The following ATP8A2 variants were observed in gnomAD, a reference collection of about 807,000 sequenced individuals.
The protein encoded by ATP8A2 is ATPase phospholipid transporting 8A2, also known as phospholipid-transporting ATPase IB.
Under a neutral mutation model 165.6 loss-of-function variants are expected in ATP8A2, and 100 were observed. The observed-to-expected ratio is 0.60, with a 90% CI of 0.51 to 0.71. The LOEUF (loss-of-function observed/expected upper bound fraction) is 0.71. Among genes scored for constraint, ATP8A2 ranks in the 30% least tolerant of loss-of-function variants. ATP8A2 has a pLI of 0.00. For missense variants in ATP8A2, 1,227 were observed against 1,479.5 expected (o/e 0.83, Z 2.80); for synonymous variants, 543 against 548.8 (o/e 0.99, Z 0.15).
chr13:25,504,170 C>T (rs576551562), intron 2 of ATP8A2, among the ~76,000 whole-genome samples: 5 of 152,248 alleles, frequency 3.3e-5, no homozygotes, highest in Admixed American at 2.0e-4. Context: ...ACCCTGCTAC[C>T]TCAGTCCAGT....
chr13:25,740,455 G>A (rs1488825980), intron 25 of ATP8A2, among the ~76,000 whole-genome samples: 1 of 152,136 alleles, frequency 6.6e-6, no homozygotes, highest in East Asian at 1.9e-4. Context: ...CATAACAACA[G>A]GGAGTGTGGG....
At chr13:25,447,106 G>A (rs2035090301) in intron 1 of ATP8A2, among the ~76,000 whole-genome samples, 2 of 152,096 alleles carry the variant, frequency 1.3e-5, no homozygotes, top group Admixed American at 6.5e-5. Context: ...TTTAGACTAA[G>A]CAAACAAACT....
chr13:25,524,935 C>T (rs200136182), intron 2 of ATP8A2, among the ~76,000 whole-genome samples: 20 of 110,984 alleles, frequency 1.8e-4, no homozygotes, highest in African/African-American at 5.4e-4. Context: ...TCCTTCCTTC[C>T]TTCTTTCCTT....
rs938724603 is a variant in ATP8A2, at chr13:26,023,884, G to A, written c.*3899G>A. The stretch of plus-strand genomic sequence containing the variant: ...CATCTCCTGGGATCCATAAAAAAAT[G>A]TGAACAGGGAAATGGTGGCTAAGCA... On this transcript the variant is annotated 3_prime_UTR_variant, in exon 37 of 37. Transcript: ENST00000381655. The A allele has an allele frequency of 6.6e-6, 1 of 152,160 alleles. No individual in the cohort carries two copies. The highest frequency in any genetic ancestry group is 2.4e-5 in the African/African-American group (1 of 41,442). 9.4% of individuals were successfully genotyped at this position (152,160 alleles called of 1,614,324 possible).
chr13:25,551,366 C>A lies in ATP8A2; in HGVS notation c.920C>A (p.Ser307Ter). 1 of 1,614,030 alleles carries A rather than the reference C, an allele frequency of 6.2e-7. No individual in the cohort carries two copies. The highest frequency in any genetic ancestry group is 2.2e-5 in the East Asian group (1 of 44,878). The change falls in exon 11 of 37, where the codon TCA (serine) becomes TAA (stop). Residue 307 changes from serine to a stop codon, truncating the protein, a stop_gained. Coordinates refer to ENST00000381655, the MANE Select transcript of ATP8A2 (RefSeq NM_016529.6). LOFTEE classifies it high-confidence loss of function. ...TCAACCAAAGCGCCTCTCAAGAGAT[C>A]AAATGTTGAGAAGGTGACTAACGTG... ...QNSTKAPLKR[S>*]NVEKVTNVQI...
At chr13:25,664,608 C>T (rs1217393539) in intron 24 of ATP8A2, among the ~76,000 whole-genome samples, 1 of 152,164 alleles carries the variant, frequency 6.6e-6, no homozygotes, top group African/African-American at 2.4e-5. Flanking sequence ...GCTGGAATGC[C>T]AGATGAAGTC....
chr13:25,820,633 G>T (rs971422348), intron 27 of ATP8A2, among the ~76,000 whole-genome samples: 6 of 152,146 alleles, frequency 3.9e-5, no homozygotes, highest in African/African-American at 1.4e-4. Context: ...TTTATATTTA[G>T]GAATTGGGTG....
chr13:25,462,176 T>C (rs1208606811), intron 1 of ATP8A2, among the ~76,000 whole-genome samples: 3 of 152,236 alleles, frequency 2.0e-5, no homozygotes, highest in African/African-American at 7.2e-5. Context: ...GCTCTATCGT[T>C]CTAGAGTTCA....
chr13:25,941,315 G>A (rs1955065731), intron 33 of ATP8A2, among the ~76,000 whole-genome samples: 1 of 152,198 alleles, frequency 6.6e-6, no homozygotes, highest in African/African-American at 2.4e-5. Flanking sequence ...TGTTTGAAAC[G>A]ATCCCATGGC....
rs143247701 is a variant in ATP8A2 at position 25,432,303 on chromosome 13, T to C, written c.77-36674T>C. ...TGCCAGTTTACCTCGGAGGTCCTTG[T>C]GTGTCCACGTGTTTGGGTGCTCATG... On this transcript the variant is annotated intron_variant, in intron 1 of 36. Transcript: ENST00000381655. Among the ~76,000 whole-genome samples the C allele has an allele frequency of 3.2e-3, 487 of 152,314 alleles. 4 individuals carry two copies. Among genetic ancestry groups the C allele is most frequent in the African/African-American group, 0.011 (469 of 41,582 alleles).
intron 16 of ATP8A2, among the ~76,000 whole-genome samples, chr13:25,568,262 T>C (rs2039372089): frequency 6.6e-6 from 1 of 152,286 alleles, no homozygotes; most frequent in Non-Finnish European, 1.5e-5. Flanking sequence ...GGGATAAATT[T>C]TCAAAGGTTC....
intron 20 of ATP8A2, among the ~76,000 whole-genome samples, chr13:25,577,379 A>G (rs1308379123): frequency 3.9e-5 from 6 of 151,984 alleles, no homozygotes; most frequent in Admixed American, 3.3e-4. Context: ...AGAAACAGTG[A>G]CTCCACGTGT....
At chr13:25,528,770 GTATGCACACATATGCAACA>G (rs1566224651) in intron 2 of ATP8A2, among the ~76,000 whole-genome samples, 7,598 of 86,066 alleles carry the variant, frequency 0.088, 486 homozygotes, top group South Asian at 0.16. Flanking sequence ...TGCAACATGT[GTATGCACACATATGCAACA>G]TGTGTATGCA....
intron 1 of ATP8A2, among the ~76,000 whole-genome samples, chr13:25,375,614 T>A (rs1006847338): frequency 6.6e-6 from 1 of 151,730 alleles, no homozygotes; most frequent in East Asian, 1.9e-4. Flanking sequence ...GAGCCTGTCG[T>A]CAGGCTGGAG....
intron 1 of ATP8A2, among the ~76,000 whole-genome samples, chr13:25,410,230 A>G (rs2033929409): frequency 6.6e-6 from 1 of 151,986 alleles, no homozygotes; most frequent in African/African-American, 2.4e-5. Context: ...CCCTTATGGT[A>G]AAGTGTTCTC....
At position 25,977,590 on chromosome 13, in the gene ATP8A2, T is replaced by C. The variant is rs556489764; in HGVS notation, c.3377+8911T>C. On this transcript the variant is annotated intron_variant, in intron 35 of 36. Transcript: ENST00000381655. ...AGCTGCCTGTGTCAACTAAAAATAA[T>C]TGATTCTCTGTTATTTTAGGAATGT... Among the ~76,000 whole-genome samples, 34 of 152,350 alleles carry C rather than the reference T, an allele frequency of 2.2e-4. 1 individual carries two copies. In the South Asian group the frequency reaches 6.8e-3, roughly 31 times the overall value.
chr13:25,752,844 G>A (rs991654358), intron 25 of ATP8A2, among the ~76,000 whole-genome samples: 3 of 152,078 alleles, frequency 2.0e-5, no homozygotes, highest in Non-Finnish European at 1.5e-5. Flanking sequence ...TCTATCCATG[G>A]TCTCAGAACT....
intron 24 of ATP8A2, among the ~76,000 whole-genome samples, chr13:25,657,806 C>T (rs1451989865): frequency 6.6e-6 from 1 of 152,156 alleles, no homozygotes; most frequent in African/African-American, 2.4e-5. Context: ...TGTGCGTTAA[C>T]ACGTAATTTA....
chr13:25,383,470 CT>C (rs1566093560), intron 1 of ATP8A2, among the ~76,000 whole-genome samples: 1 of 152,058 alleles, frequency 6.6e-6, no homozygotes, highest in African/African-American at 2.4e-5. Context: ...GATGCCAGTC[CT>C]TTATAAAAAA....
Sources: allele counts gnomAD v4.1 joint callset (sites outside exome capture counted in the v4.1 genomes callset), GRCh38; gene constraint gnomAD v4.1.1; transcripts MANE v1.5; gene names NCBI Gene and HGNC (gene_info 2026-07-23, HGNC 2026-07-21).